SBF2: variants seen among roughly 807,000 people sequenced by gnomAD.
SBF2 encodes SET binding factor 2, also known as myotubularin-related protein 13.
Under a neutral mutation model 225.2 loss-of-function variants are expected in SBF2, and 112 were observed. The observed-to-expected ratio is 0.50, with a 90% CI of 0.43 to 0.58. SBF2 has a LOEUF of 0.58. Among genes scored for constraint, SBF2 ranks in the 20% least tolerant of loss-of-function variants. SBF2 has a pLI of 0.00. For missense variants in SBF2, 1,996 were observed against 2,206.2 expected (o/e 0.90, Z 1.91); for synonymous variants, 763 against 773.3 (o/e 0.99, Z 0.22).
At chr11:9,846,411 A>T (rs1331759568) in intron 23 of SBF2, among the ~76,000 whole-genome samples, 1 of 152,226 alleles carries the variant, frequency 6.6e-6, no homozygotes, top group African/African-American at 2.4e-5. Flanking sequence ...AGGAAAAACT[A>T]AGAAAAGGTC....
chr11:10,127,695 C>A (rs1408193060), intron 2 of SBF2, among the ~76,000 whole-genome samples: 1 of 152,118 alleles, frequency 6.6e-6, no homozygotes, highest in African/African-American at 2.4e-5. Flanking sequence ...TCTTTATCTA[C>A]TGGAATAAGA....
At chr11:10,163,997 G>C (rs1210049439) in intron 2 of SBF2, among the ~76,000 whole-genome samples, 9 of 152,072 alleles carry the variant, frequency 5.9e-5, no homozygotes, top group Non-Finnish European at 1.2e-4. Context: ...ATTATTTCTG[G>C]CTTCTCACTA....
At chr11:10,094,964 C>T (rs1951956638) in intron 2 of SBF2, among the ~76,000 whole-genome samples, 1 of 151,254 alleles carries the variant, frequency 6.6e-6, no homozygotes, top group African/African-American at 2.4e-5. Flanking sequence ...TAGGTTATGG[C>T]CAGCTGAGAA....
At chr11:10,104,102 AAGAG>A (rs904180575) in intron 2 of SBF2, among the ~76,000 whole-genome samples, 8 of 151,884 alleles carry the variant, frequency 5.3e-5, no homozygotes, top group Non-Finnish European at 7.4e-5. Context: ...AAAAAAAAAA[AAGAG>A]AGAGTGCCAT....
At chr11:10,107,429 T>G (rs1952603469) in intron 2 of SBF2, among the ~76,000 whole-genome samples, 1 of 152,198 alleles carries the variant, frequency 6.6e-6, no homozygotes, top group Non-Finnish European at 1.5e-5. Context: ...TATGACTCCA[T>G]TTAGGTAAAA....
At chr11:10,004,912 C>G (rs572468930) in intron 6 of SBF2, among the ~76,000 whole-genome samples, 1 of 152,274 alleles carries the variant, frequency 6.6e-6, no homozygotes, top group Non-Finnish European at 1.5e-5. Context: ...TTTCCAGACC[C>G]AACCAATGTA....
intron 17 of SBF2, among the ~76,000 whole-genome samples, chr11:9,869,050 C>T (rs1207352254): frequency 2.6e-5 from 4 of 152,172 alleles, no homozygotes; most frequent in African/African-American, 4.8e-5. Flanking sequence ...GAAACTTTCC[C>T]TTATCAACTG....
intron 3 of SBF2, among the ~76,000 whole-genome samples, chr11:10,036,763 T>C (rs942920748): frequency 6.6e-6 from 1 of 152,182 alleles, no homozygotes; most frequent in Admixed American, 6.6e-5. Context: ...AAATAACATA[T>C]TAGTTAAAAT....
chr11:9,889,796 T>C (rs1564961893), intron 17 of SBF2, among the ~76,000 whole-genome samples: 1 of 152,204 alleles, frequency 6.6e-6, no homozygotes, highest in African/African-American at 2.4e-5. Flanking sequence ...GACATATTTA[T>C]AGAGACAGAA....
intron 2 of SBF2, among the ~76,000 whole-genome samples, chr11:10,154,059 TA>T (rs1328042934): frequency 2.9e-4 from 44 of 152,112 alleles, no homozygotes; most frequent in African/African-American, 1.1e-3. Flanking sequence ...TCTACAGTAT[TA>T]AACTATTTTA....
intron 16 of SBF2, among the ~76,000 whole-genome samples, chr11:9,941,375 T>G (rs1199733060): frequency 6.6e-6 from 1 of 151,926 alleles, no homozygotes; most frequent in African/African-American, 2.4e-5. Flanking sequence ...TAGGTTAAGG[T>G]GGCTTTACTG....
intron 16 of SBF2, among the ~76,000 whole-genome samples, chr11:9,908,209 T>G (rs1207491505): frequency 9.8e-6 from 1 of 102,170 alleles, no homozygotes. Context: ...TGAAGAAAAT[T>G]TTTTTCTTAT....
chr11:10,127,297 T>C (rs1953802214), intron 2 of SBF2, among the ~76,000 whole-genome samples: 1 of 152,122 alleles, frequency 6.6e-6, no homozygotes, highest in Admixed American at 6.5e-5. Context: ...GTTTTTCACA[T>C]ATTATGCTTT....
At position 9,989,598 on chromosome 11, in the gene SBF2, AG is replaced by A; in HGVS notation, c.1297-4del. The A allele has an allele frequency of 1.3e-6, 2 of 1,541,852 alleles. No homozygotes were observed. Among genetic ancestry groups the A allele is most frequent in the Non-Finnish European group, 1.8e-6 (2 of 1,118,188 alleles). On this transcript the variant is annotated splice_polypyrimidine_tract_variant and splice_region_variant and intron_variant, in intron 12 of 39. Transcript: ENST00000256190. ...CTCTCTACTTCAAAGGCTACCAACT[AG>A]GAAAAAGAATCAAATGGCAAAACAT...
intron 17 of SBF2, among the ~76,000 whole-genome samples, chr11:9,888,415 G>A (rs991838221): frequency 1.3e-5 from 2 of 151,438 alleles, no homozygotes; most frequent in Admixed American, 6.6e-5. Context: ...GAGGTGGGAG[G>A]ATTGCTTAAG....
At chr11:9,892,628 C>T (rs1200729367) in intron 17 of SBF2, among the ~76,000 whole-genome samples, 3 of 151,496 alleles carry the variant, frequency 2.0e-5, no homozygotes, top group Admixed American at 6.6e-5. Flanking sequence ...GGTGCGCTCT[C>T]GGTTCATGGC....
At chr11:10,189,699 T>C (rs934771904) in intron 2 of SBF2, among the ~76,000 whole-genome samples, 1 of 152,172 alleles carries the variant, frequency 6.6e-6, no homozygotes, top group Non-Finnish European at 1.5e-5. Flanking sequence ...CTTCTCTTTT[T>C]CAAGCCACAA....
intron 1 of SBF2, among the ~76,000 whole-genome samples, chr11:10,251,703 T>C (rs534325131): frequency 6.6e-6 from 1 of 152,312 alleles, no homozygotes; most frequent in South Asian, 2.1e-4. Context: ...GTGCGCTGTA[T>C]TCTCTCAAAG....
chr11:9,915,079 G>T (rs1254266523), intron 16 of SBF2, among the ~76,000 whole-genome samples: 1 of 152,176 alleles, frequency 6.6e-6, no homozygotes, highest in Non-Finnish European at 1.5e-5. Flanking sequence ...AACTTGTGAA[G>T]ATGGAGATGA....
Sources: allele counts gnomAD v4.1 joint callset (sites outside exome capture counted in the v4.1 genomes callset), GRCh38; gene constraint gnomAD v4.1.1; transcripts MANE v1.5; gene names NCBI Gene and HGNC (gene_info 2026-07-23, HGNC 2026-07-21).